Variants in DNAH11 observed in about 807,000 individuals in gnomAD.
DNAH11 encodes the protein dynein axonemal heavy chain 11.
In DNAH11, 442 loss-of-function variants were observed where a neutral mutation model predicts 526.0. That is an observed-to-expected ratio of 0.84 (90% CI 0.78 to 0.91). The LOEUF (loss-of-function observed/expected upper bound fraction) is 0.91. Among genes scored for constraint, DNAH11 ranks in the 40% least tolerant of loss-of-function variants. The probability of loss-of-function intolerance (pLI) is 0.00; values close to 1 mark genes in which losing one functional copy is unlikely to be tolerated. For missense variants in DNAH11, 6,989 were observed against 5,448.7 expected (o/e 1.28, Z -8.90); for synonymous variants, 2,461 against 1,935.9 (o/e 1.27, Z -7.12).
chr7:21,706,768 A>T (rs974107690), intron 39 of DNAH11, among the ~76,000 whole-genome samples: 9 of 152,198 alleles, frequency 5.9e-5, no homozygotes, highest in South Asian at 4.1e-4. Context: ...ATCATTTCAA[A>T]GTGTTTGCCA....
At chr7:21,818,371 C>T in intron 65 of DNAH11, 32 bp downstream of exon 65, 11 of 1,591,912 alleles carry the variant, frequency 6.9e-6, no homozygotes, top group Non-Finnish European at 9.4e-6. Flanking sequence ...ACATATATAT[C>T]TTGCTAAATG....
intron 74 of DNAH11, among the ~76,000 whole-genome samples, chr7:21,874,462 G>C (rs1783628722): frequency 6.6e-6 from 1 of 151,578 alleles, no homozygotes; most frequent in Non-Finnish European, 1.5e-5. Context: ...CAGCCTCCCA[G>C]GTAGCTGGGA....
intron 13 of DNAH11, 81 bp from the exon 14 acceptor site, chr7:21,591,104 A>G (rs1398582716): frequency 2.8e-6 from 4 of 1,436,332 alleles, no homozygotes; most frequent in Admixed American, 2.8e-5. Flanking sequence ...ATATAGATCT[A>G]TATGATATTT....
Position 21,801,713 on chromosome 7 carries a change from A to T in DNAH11, c.10165+438A>T, listed in dbSNP as rs567535219. ...TTATAAAACTCAGGATGGCTGCTAG[A>T]TAATTATGAAATTGAACTGTTTGTT... On this transcript the variant is annotated intron_variant, in intron 62 of 81. Transcript: ENST00000409508. 2.0e-5 allele frequency among the ~76,000 whole-genome samples: 3 copies of T among 152,194 alleles called. No homozygotes were observed. In the South Asian group the frequency reaches 6.2e-4, roughly 32 times the overall value.
intron 9 of DNAH11, among the ~76,000 whole-genome samples, chr7:21,587,716 C>T (rs1784523290): frequency 6.6e-6 from 1 of 152,082 alleles, no homozygotes; most frequent in Admixed American, 6.5e-5. Flanking sequence ...GAGGGAAGAA[C>T]AATAACAAGT....
At chr7:21,659,251 T>C (rs1168501530) in intron 30 of DNAH11, among the ~76,000 whole-genome samples, 2 of 149,358 alleles carry the variant, frequency 1.3e-5, no homozygotes, top group Admixed American at 1.4e-4. Context: ...TATTGTCTTC[T>C]AAGGCTCTAG....
At chr7:21,848,280 A>G (rs1330090364) in intron 66 of DNAH11, among the ~76,000 whole-genome samples, 1 of 151,768 alleles carries the variant, frequency 6.6e-6, no homozygotes, top group Admixed American at 6.6e-5. Context: ...CTTTGTCTTA[A>G]TATAGCCACC....
chr7:21,900,768 C>T (rs1784765767), intron 81 of DNAH11: 1 of 409,000 alleles, frequency 2.4e-6, no homozygotes, highest in Non-Finnish European at 4.2e-6. Context: ...TTCATAAAAT[C>T]AGCTTACTTC....
intron 65 of DNAH11, 23 bp downstream of exon 65, chr7:21,818,362 C>G (rs1320377491): frequency 6.2e-7 from 1 of 1,600,374 alleles, no homozygotes; most frequent in East Asian, 2.2e-5. Context: ...GAATTTTTAA[C>G]ATATATATCT....
chr7:21,852,547 G>C lies in DNAH11; in HGVS notation c.10977G>C (p.Ala3659=). 1 of 1,613,016 alleles carries C rather than the reference G, an allele frequency of 6.2e-7. No homozygotes were observed. The highest frequency in any genetic ancestry group is 8.5e-7 in the Non-Finnish European group (1 of 1,179,594). Residue 3659 remains alanine (A), a synonymous_variant, in exon 67 of 82, where the codon GCG becomes GCC. Transcript: ENST00000409508. The part of the protein sequence containing the change: ...LEDDLLLRLS[A]AEGSFLDDTK... Reference sequence around the variant, plus strand: ...ACGATCTCCTTTTGCGCCTTTCTGCGGCAGAGGGAAGCTTTCTGGATGACA... The same window carrying C: ...ACGATCTCCTTTTGCGCCTTTCTGCCGCAGAGGGAAGCTTTCTGGATGACA...
At chr7:21,813,315 AATTAGTT>A (rs1036484097) in intron 63 of DNAH11, among the ~76,000 whole-genome samples, 1 of 152,150 alleles carries the variant, frequency 6.6e-6, no homozygotes, top group Admixed American at 6.6e-5. Flanking sequence ...TAGTGCCAAT[AATTAGTT>A]ATTAGTTATT....
chr7:21,725,835 A>G lies in DNAH11; in HGVS notation c.7291A>G (p.Ser2431Gly). The change falls in exon 45 of 82, where the codon AGT (serine) becomes GGT (glycine). Residue 2431 changes from serine to glycine, a missense_variant. Coordinates refer to ENST00000409508, the MANE Select transcript of DNAH11 (RefSeq NM_001277115.2). ...DQISDYQADF[S>G]RWWQKEMKAV... ...GATTTCTGATTATCAAGCTGACTTC[A>G]GTCGGTGGTGGCAGAAAGAGATGAA... The G allele has an allele frequency of 6.2e-7, 1 of 1,611,922 alleles. No individual in the cohort carries two copies. The highest frequency in any genetic ancestry group is 1.1e-5 in the South Asian group (1 of 90,346).
intron 67 of DNAH11, 28 bp downstream of exon 67, chr7:21,852,659 A>T: frequency 6.5e-7 from 1 of 1,548,158 alleles, no homozygotes; most frequent in Non-Finnish European, 8.7e-7. Flanking sequence ...TGCCTGGCAG[A>T]TTCTAATGCT....
intron 76 of DNAH11, among the ~76,000 whole-genome samples, chr7:21,885,471 GGAAT>G (rs1356484496): frequency 6.6e-6 from 1 of 151,870 alleles, no homozygotes; most frequent in African/African-American, 2.4e-5. Context: ...GGGAGAATGG[GGAAT>G]GAATGGTCAA....
At chr7:21,774,195 G>A (rs1037075571) in intron 56 of DNAH11, among the ~76,000 whole-genome samples, 196 bp downstream of exon 56, 2 of 152,138 alleles carry the variant, frequency 1.3e-5, no homozygotes, top group Non-Finnish European at 2.9e-5. Context: ...CTGGATTAGG[G>A]TGAAACGTTC....
chr7:21,618,759 T>C (rs1785902842), intron 23 of DNAH11, among the ~76,000 whole-genome samples: 1 of 152,126 alleles, frequency 6.6e-6, no homozygotes, highest in African/African-American at 2.4e-5. Flanking sequence ...ATTCCTGGGA[T>C]TTCAACCAAA....
At chr7:21,756,350 TG>T (rs1248513306) in intron 54 of DNAH11, among the ~76,000 whole-genome samples, 1 of 152,106 alleles carries the variant, frequency 6.6e-6, no homozygotes, top group African/African-American at 2.4e-5. Context: ...AGATTCTATT[TG>T]GGGCTGTCTG....
At position 21,591,719 on chromosome 7, in the gene DNAH11, G is replaced by A. The variant is rs530571356; in HGVS notation, c.2667+142G>A. On this transcript the variant is annotated intron_variant, in intron 14 of 81. Transcript: ENST00000409508. ...ATGGTATTATTAGGCATTTAAAGTG[G>A]AGGAATTTGTGTTACTTGCCTGCAA... is the stretch of plus-strand genomic sequence containing the variant. 22 of 839,988 alleles carry A rather than the reference G, an allele frequency of 2.6e-5. No homozygotes were observed. In the African/African-American group the frequency reaches 3.4e-4, roughly 13 times the overall value. 52.0% of individuals were successfully genotyped at this position (839,988 alleles called of 1,614,324 possible).
chr7:21,878,220 A>G (rs1372039024), intron 74 of DNAH11, among the ~76,000 whole-genome samples: 1 of 152,188 alleles, frequency 6.6e-6, no homozygotes, highest in East Asian at 1.9e-4. Flanking sequence ...AGCCTGATTC[A>G]TATTTTTTTC....
Sources: allele counts gnomAD v4.1 joint callset (sites outside exome capture counted in the v4.1 genomes callset), GRCh38; gene constraint gnomAD v4.1.1; transcripts MANE v1.5; gene names NCBI Gene and HGNC (gene_info 2026-07-23, HGNC 2026-07-21).